GABRG2: variants seen among roughly 807,000 people sequenced by gnomAD.
The protein encoded by GABRG2 is gamma-aminobutyric acid type A receptor subunit gamma2, also known as gamma-aminobutyric acid receptor subunit gamma-2.
GABRG2 carries 16 observed loss-of-function variants against 56.4 expected under a neutral mutation model. The observed-to-expected ratio is 0.28, with a 90% CI of 0.19 to 0.43. The LOEUF is 0.43. Among genes scored for constraint, GABRG2 ranks in the 20% least tolerant of loss-of-function variants. The pLI, the probability that GABRG2 is intolerant of heterozygous loss-of-function variation, is 1.00. For synonymous variants in GABRG2, 208 were observed against 205.5 expected (o/e 1.01, Z -0.10); for missense variants, 327 against 582.7 (o/e 0.56, Z 4.52).
intron 6 of GABRG2, among the ~76,000 whole-genome samples, chr5:162,121,202 A>G (rs1762958342): frequency 6.6e-6 from 1 of 152,128 alleles, no homozygotes; most frequent in Non-Finnish European, 1.5e-5. Context: ...ATATTCATCT[A>G]GAGTCAGTTG....
chr5:162,087,642 T>C (rs186004800), intron 1 of GABRG2, among the ~76,000 whole-genome samples: 73 of 152,144 alleles, frequency 4.8e-4, no homozygotes, highest in Admixed American at 7.9e-4. Flanking sequence ...TAGAAAAAAT[T>C]CTAAGATTTT....
intron 6 of GABRG2, among the ~76,000 whole-genome samples, chr5:162,133,974 A>G (rs567523318): frequency 4.6e-5 from 7 of 152,262 alleles, no homozygotes; most frequent in Admixed American, 3.3e-4. Flanking sequence ...TGCATTATAT[A>G]ATGTTCAAGA....
chr5:162,102,818 G>A, intron 5 of GABRG2: 2 of 245,268 alleles, frequency 8.2e-6, no homozygotes, highest in South Asian at 4.7e-5. Context: ...ATCCCTTCTA[G>A]GGACTCTCTC....
At chr5:162,146,663 T>C (rs946144254) in intron 7 of GABRG2, among the ~76,000 whole-genome samples, 1 of 152,188 alleles carries the variant, frequency 6.6e-6, no homozygotes. Context: ...GGGATTATAG[T>C]AGTCATTTAG....
At chr5:162,073,134 T>A (rs1005684080) in intron 1 of GABRG2, among the ~76,000 whole-genome samples, 2 of 151,934 alleles carry the variant, frequency 1.3e-5, no homozygotes, top group African/African-American at 4.8e-5. Context: ...ACTGAATAAA[T>A]CAAAATGTCG....
At chr5:162,075,261 G>A (rs1759001337) in intron 1 of GABRG2, among the ~76,000 whole-genome samples, 1 of 152,048 alleles carries the variant, frequency 6.6e-6, no homozygotes, top group Non-Finnish European at 1.5e-5. Flanking sequence ...GGAAAATTTT[G>A]TATAACATTG....
At chr5:162,153,021 A>G in intron 9 of GABRG2, 72 bp from the exon 10 acceptor site, 1 of 1,565,492 alleles carries the variant, frequency 6.4e-7, no homozygotes, top group Non-Finnish European at 8.8e-7. Flanking sequence ...CATTGGTGAC[A>G]TTGTGGAAAA....
Position 162,099,428 on chromosome 5 carries a change from C to A in GABRG2, c.548+1570C>A, listed in dbSNP as rs962521939. On this transcript the variant is annotated intron_variant, in intron 4 of 9. Coordinates refer to ENST00000639213, the MANE Select transcript of GABRG2 (RefSeq NM_198904.4). Reference sequence around the variant, plus strand: ...GGACCACAGGCACGTGCCACTACACCCTGCTAAGAATTTTTTTGTATTTTT... The same window carrying A: ...GGACCACAGGCACGTGCCACTACACACTGCTAAGAATTTTTTTGTATTTTT... 8.5e-5 allele frequency: 13 copies of A among 152,076 alleles called. 1 individual carries two copies. Among genetic ancestry groups the A allele is most frequent in the African/African-American group, 2.7e-4 (11 of 41,382 alleles). 9.4% of individuals were successfully genotyped at this position (152,076 alleles called of 1,614,324 possible). A position where few individuals can be genotyped will look rare whatever the true frequency, so the allele number is the denominator to read the frequency against.
At chr5:162,091,775 G>T (rs896365411) in intron 1 of GABRG2, among the ~76,000 whole-genome samples, 3 of 152,052 alleles carry the variant, frequency 2.0e-5, no homozygotes, top group African/African-American at 7.2e-5. Flanking sequence ...AGTAATAACG[G>T]TAATACAGCA....
intron 1 of GABRG2, among the ~76,000 whole-genome samples, chr5:162,091,684 T>A (rs2113281980): frequency 6.6e-6 from 1 of 152,236 alleles, no homozygotes; most frequent in Non-Finnish European, 1.5e-5. Context: ...TTGGAGCAAT[T>A]CTGGAAATTA....
rs73316325 is a variant in GABRG2 at position 162,118,755 on chromosome 5, G to A, written c.769+14729G>A. 8.0e-3 allele frequency among the ~76,000 whole-genome samples: 1,217 copies of A among 152,100 alleles called. 24 individuals carry two copies. The highest frequency in any genetic ancestry group is 0.028 in the African/African-American group (1,155 of 41,488). ...TTCCTGTGATCAGATTTTGTCATCG[G>A]GACTTAAGAAGGATGACAAGCTGAT... On this transcript the variant is annotated intron_variant, in intron 6 of 9. Transcript: ENST00000639213.
intron 6 of GABRG2, among the ~76,000 whole-genome samples, chr5:162,105,955 C>T (rs1315614891): frequency 1.3e-5 from 2 of 151,904 alleles, no homozygotes; most frequent in African/African-American, 4.8e-5. Flanking sequence ...AAACAGAACC[C>T]ACAAACTCGT....
intron 1 of GABRG2, among the ~76,000 whole-genome samples, chr5:162,081,746 A>G (rs1195031446): frequency 6.6e-6 from 1 of 151,984 alleles, no homozygotes; most frequent in East Asian, 1.9e-4. Context: ...AATGGGCAAA[A>G]TAAAAACCAC....
In GABRG2 at chr5:162,118,204, G is replaced by GGTGTGT. The variant is rs3079259; in HGVS notation, c.769+14207_769+14212dup. ...TATTGCTGTTCATAGAGGTTCTGAT[G>GGTGTGT]GTGTGTGTGTGTGTGTGTGTGTGTG... is the stretch of plus-strand genomic sequence containing the variant. On this transcript the variant is annotated intron_variant, in intron 6 of 9. Coordinates refer to ENST00000639213, the MANE Select transcript of GABRG2 (RefSeq NM_198904.4). 2.2e-3 allele frequency among the ~76,000 whole-genome samples: 319 copies of GGTGTGT among 146,194 alleles called. 1 individual carries two copies. Among genetic ancestry groups the GGTGTGT allele is most frequent in the African/African-American group, 7.3e-3 (291 of 39,832 alleles).
At chr5:162,092,890 G>A (rs778314853) in intron 1 of GABRG2, among the ~76,000 whole-genome samples, 5 of 152,108 alleles carry the variant, frequency 3.3e-5, no homozygotes. Context: ...AAATGGAAAT[G>A]GCAGCTTTTG....
At chr5:162,082,454 A>G (rs1759742386) in intron 1 of GABRG2, among the ~76,000 whole-genome samples, 1 of 151,830 alleles carries the variant, frequency 6.6e-6, no homozygotes, top group East Asian at 1.9e-4. Context: ...CACATGCTTA[A>G]AATTGGTGTG....
At chr5:162,083,481 C>G (rs1190121734) in intron 1 of GABRG2, 1 of 168,858 alleles carries the variant, frequency 5.9e-6, no homozygotes, top group African/African-American at 2.4e-5. Context: ...ATCGGTTCCT[C>G]AAAATATTTT....
chr5:162,117,468 A>G (rs1581393740), intron 6 of GABRG2, among the ~76,000 whole-genome samples: 1 of 152,124 alleles, frequency 6.6e-6, no homozygotes, highest in South Asian at 2.1e-4. Context: ...TAATGTCTCT[A>G]ACAGTCCTGT....
intron 6 of GABRG2, among the ~76,000 whole-genome samples, chr5:162,129,415 C>T (rs1441365401): frequency 6.6e-6 from 1 of 151,716 alleles, no homozygotes; most frequent in African/African-American, 2.4e-5. Context: ...AAACAAAGAA[C>T]TGTAATACAC....
Sources: gnomAD v4.1 joint callset for allele counts (sites outside exome capture counted in the v4.1 genomes callset) on GRCh38, gnomAD v4.1.1 for gene constraint, MANE v1.5 for transcripts, NCBI Gene and HGNC (gene_info 2026-07-23, HGNC 2026-07-21) for gene names.